Variants in ATP10B observed in about 807,000 individuals in gnomAD.
The protein encoded by ATP10B is phospholipid-transporting ATPase VB.
Under a neutral mutation model 141.2 loss-of-function variants are expected in ATP10B, and 122 were observed. That is an observed-to-expected ratio of 0.86 (90% confidence interval 0.75 to 1.00). The LOEUF (loss-of-function observed/expected upper bound fraction) is 1.00. Among genes scored for constraint, ATP10B ranks in the 50% least tolerant of loss-of-function variants. The pLI is 0.00. For synonymous variants in ATP10B, 685 were observed against 692.0 expected, an observed-to-expected ratio of 0.99 and a Z score of 0.16; for missense variants, 1,876 against 1,825.3, an observed-to-expected ratio of 1.03 and a Z score of -0.51.
chr5:160,591,669 G>T (rs1756303225), intron 22 of ATP10B, among the ~76,000 whole-genome samples: 1 of 152,122 alleles, frequency 6.6e-6, no homozygotes, highest in African/African-American at 2.4e-5. Flanking sequence ...AGCGGCTCCA[G>T]AAACAAGCCT....
the ATP10B span, among the ~76,000 whole-genome samples, chr5:160,900,600 G>T: frequency 6.6e-6 from 1 of 152,178 alleles, no homozygotes; most frequent in Admixed American, 6.5e-5. Flanking sequence ...GCCATTAGGT[G>T]AAGTATTGTT....
chr5:160,648,803 A>G (rs1416053165), intron 8 of ATP10B, among the ~76,000 whole-genome samples: 1 of 152,188 alleles, frequency 6.6e-6, no homozygotes, highest in Non-Finnish European at 1.5e-5. Flanking sequence ...AGATCTGTCC[A>G]ATTCCAAAGT....
the ATP10B span, among the ~76,000 whole-genome samples, chr5:160,904,533 T>C: frequency 1.3e-5 from 2 of 152,134 alleles, no homozygotes; most frequent in African/African-American, 4.8e-5. Flanking sequence ...ACCTACAATG[T>C]ATATTTCAGC....
chr5:160,617,325 G>A (rs1758079114), intron 16 of ATP10B, among the ~76,000 whole-genome samples: 1 of 152,144 alleles, frequency 6.6e-6, no homozygotes, highest in Non-Finnish European at 1.5e-5. Flanking sequence ...GCTGGGCTGA[G>A]TGCAATGTGA....
the ATP10B span, among the ~76,000 whole-genome samples, chr5:160,857,544 T>C: frequency 6.6e-6 from 1 of 151,816 alleles, no homozygotes; most frequent in Non-Finnish European, 1.5e-5. Flanking sequence ...ATTTATTTCC[T>C]TGTGTTTGCT....
chr5:160,607,644 T>G (rs1581192177), intron 18 of ATP10B, among the ~76,000 whole-genome samples: 2 of 152,210 alleles, frequency 1.3e-5, no homozygotes, highest in East Asian at 3.8e-4. Context: ...GTTTATCAAT[T>G]GTTGTATTCC....
intron 2 of ATP10B, among the ~76,000 whole-genome samples, chr5:160,743,270 GCTTACACAGGGTGTGTAT>G (rs1351339133): frequency 1.3e-5 from 2 of 152,160 alleles, no homozygotes; most frequent in Non-Finnish European, 2.9e-5. Context: ...TAACCCACAT[GCTTACACAGGGTGTGTAT>G]CTTAAGCCCT....
At position 160,564,595 on chromosome 5, in the gene ATP10B, A is replaced by T. The variant is rs1187873264; in HGVS notation, c.*858T>A. On this transcript the variant is annotated 3_prime_UTR_variant, in exon 26 of 26. Transcript: ENST00000327245. ...GATGTGCTTATATCTCCTGATTTAC[A>T]GGGTTTTTTGCTTTTGTTCTAAGAG... The T allele has an allele frequency of 6.6e-6, 1 of 152,164 alleles. No individual in the cohort carries two copies. The highest frequency in any genetic ancestry group is 1.5e-5 in the Non-Finnish European group (1 of 68,014). The allele number at this position is 152,164 out of a possible 1,614,324, so 9.4% of individuals were successfully genotyped here. A position where few individuals can be genotyped will look rare whatever the true frequency, so the allele number is the denominator to read the frequency against.
intron 24 of ATP10B, among the ~76,000 whole-genome samples, chr5:160,577,297 C>G (rs1755253485): frequency 6.6e-6 from 1 of 152,158 alleles, no homozygotes; most frequent in Non-Finnish European, 1.5e-5. Context: ...TTGCCCAAAA[C>G]AGTGGCTGCA....
At chr5:160,606,502 A>T (rs981982183) in intron 19 of ATP10B, among the ~76,000 whole-genome samples, 14 of 152,334 alleles carry the variant, frequency 9.2e-5, no homozygotes, top group Middle Eastern at 6.8e-3. Flanking sequence ...GATTCACTGA[A>T]TTCAAGGCCC....
Position 160,709,062 on chromosome 5 carries a change from T to A in ATP10B, c.-205+7847A>T, listed in dbSNP as rs369679796. On this transcript the variant is annotated intron_variant, in intron 3 of 25. Transcript: ENST00000327245. Reference sequence around the variant, plus strand: ...TGGAAAATAGTGTTGAGACCATCAATAACTCATATACCAATGACAACAAAA... The same window carrying A: ...TGGAAAATAGTGTTGAGACCATCAAAAACTCATATACCAATGACAACAAAA... 2.0e-5 allele frequency among the ~76,000 whole-genome samples: 3 copies of A among 152,108 alleles called. No individual in the cohort carries two copies. The East Asian group carries it at 5.8e-4, about 29-fold the overall frequency.
chr5:160,782,967 C>T (rs563887729), intron 2 of ATP10B, among the ~76,000 whole-genome samples: 114 of 152,136 alleles, frequency 7.5e-4, no homozygotes, highest in African/African-American at 2.6e-3. Flanking sequence ...ACATATATTA[C>T]AAATTACATA....
At chr5:160,704,490 C>G (rs1764860684) in intron 3 of ATP10B, among the ~76,000 whole-genome samples, 1 of 152,196 alleles carries the variant, frequency 6.6e-6, no homozygotes, top group African/African-American at 2.4e-5. Context: ...TCCTAATTTA[C>G]AGAACACAAG....
intron 3 of ATP10B, among the ~76,000 whole-genome samples, chr5:160,704,064 T>A (rs1031059071): frequency 6.6e-6 from 1 of 152,108 alleles, no homozygotes; most frequent in Non-Finnish European, 1.5e-5. Context: ...CTCACTGCAG[T>A]CTTAAACTCC....
At chr5:160,627,401 T>C (rs2127656716) in intron 13 of ATP10B, among the ~76,000 whole-genome samples, 1 of 152,354 alleles carries the variant, frequency 6.6e-6, no homozygotes, top group Admixed American at 6.5e-5. Flanking sequence ...GGACAGTATA[T>C]GCCACAGAGT....
intron 3 of ATP10B, among the ~76,000 whole-genome samples, chr5:160,694,142 G>C (rs1176909209): frequency 6.6e-6 from 1 of 152,192 alleles, no homozygotes; most frequent in Non-Finnish European, 1.5e-5. Context: ...GACCGAAACT[G>C]GGGGCTAGAG....
chr5:160,605,209 A>G (rs1757314219), intron 19 of ATP10B, among the ~76,000 whole-genome samples: 1 of 152,144 alleles, frequency 6.6e-6, no homozygotes, highest in African/African-American at 2.4e-5. Context: ...GCCACAATTA[A>G]ATTTATATTA....
intron 2 of ATP10B, among the ~76,000 whole-genome samples, chr5:160,755,871 A>ATATATATATATATATG: frequency 8.7e-6 from 1 of 114,664 alleles, no homozygotes; most frequent in East Asian, 2.5e-4. Context: ...ATATATATAT[A>ATATATATATATATATG]TATATATTAT....
chr5:160,758,949 T>G (rs964156142), intron 2 of ATP10B, among the ~76,000 whole-genome samples: 5 of 152,244 alleles, frequency 3.3e-5, no homozygotes, highest in Admixed American at 6.5e-5. Context: ...CATGATTTTC[T>G]TGGGAAACCC....
Sources: gnomAD v4.1 joint callset for allele counts (sites outside exome capture counted in the v4.1 genomes callset) on GRCh38, gnomAD v4.1.1 for gene constraint, MANE v1.5 for transcripts, NCBI Gene and HGNC (gene_info 2026-07-23, HGNC 2026-07-21) for gene names.